PDE12: variants seen among roughly 807,000 people sequenced by gnomAD.
PDE12 encodes phosphodiesterase 12, also known as 2',5'-phosphodiesterase 12.
Under a neutral mutation model 45.4 loss-of-function variants are expected in PDE12, and 26 were observed. That is an observed-to-expected ratio of 0.57 (90% CI 0.42 to 0.79). PDE12 has a LOEUF of 0.79. PDE12 is among the 30% of genes least tolerant of loss of function. The pLI is 0.00. For synonymous variants in PDE12, 283 were observed against 323.9 expected (o/e 0.87, Z 1.36); for missense variants, 668 against 790.0 (o/e 0.85, Z 1.85).
Position 57,557,557 on chromosome 3 carries a change from T to G in PDE12, c.1178T>G (p.Leu393Arg), listed in dbSNP as rs1231242424. Residue 393 changes from leucine (L) to arginine (R), a missense_variant, in exon 1 of 3, where the codon CTT (leucine) becomes CGT (arginine). By Grantham distance (102) the Leu-to-Arg change is moderately radical. Around this residue, in one of 3 missense-constraint regions of PDE12, gnomAD observed 580 missense variants for 662.9 expected, o/e 0.87. Transcript: ENST00000311180. ...ATFYRKSKFSLLSQHDISFYE... is the reference protein window; with the variant it reads ...ATFYRKSKFSRLSQHDISFYE... The stretch of plus-strand genomic sequence containing the variant: ...TTCTACCGAAAGTCTAAGTTCAGCC[T>G]TCTTAGCCAGCATGACATTTCATTC... 5 of 1,614,124 alleles carry G rather than the reference T, an allele frequency of 3.1e-6. No homozygotes were observed. The Admixed American group carries it at 8.3e-5, about 27-fold the overall frequency.
At chr3:57,655,896 A>G in the PDE12 span, among the ~76,000 whole-genome samples, 1 of 152,250 alleles carries the variant, frequency 6.6e-6, no homozygotes, top group Non-Finnish European at 1.5e-5. Context: ...ATGTCCAATA[A>G]TTGAACTCTA....
chr3:57,646,057 C>G, the PDE12 span, among the ~76,000 whole-genome samples: 1 of 152,194 alleles, frequency 6.6e-6, no homozygotes, highest in Non-Finnish European at 1.5e-5. Flanking sequence ...CAAGGAACAA[C>G]TTCATGTAAT....
chr3:57,604,607 T>C, the PDE12 span, among the ~76,000 whole-genome samples: 1 of 43,276 alleles, frequency 2.3e-5, no homozygotes, highest in Admixed American at 2.1e-4. Context: ...CTTTCTTTTT[T>C]TTTTTTTTTT....
the PDE12 span, among the ~76,000 whole-genome samples, chr3:57,622,208 A>G: frequency 7.9e-5 from 12 of 152,174 alleles, no homozygotes; most frequent in Non-Finnish European, 1.2e-4. Context: ...CAAAACAAAC[A>G]AAAAGAACAT....
Position 57,559,379 on chromosome 3 carries a change from C to T in PDE12, c.1378C>T (p.His460Tyr), listed in dbSNP as rs2069702109. ...ICVANTHLYW[H>Y]PKGGYIRLIQ... is the part of the protein sequence containing the mutation. ...TGTTGCTAATACCCATCTTTACTGGCATCCTAAAGGTAGGTTTTATTTGGT... is the reference window on the plus strand; with the variant it reads ...TGTTGCTAATACCCATCTTTACTGGTATCCTAAAGGTAGGTTTTATTTGGT... Residue 460 changes from histidine (H) to tyrosine (Y), a missense_variant, in exon 2 of 3, where the codon CAT (histidine) becomes TAT (tyrosine). His to Tyr is a moderately conservative substitution (Grantham distance 83, BLOSUM62 2). Coordinates refer to ENST00000311180, the MANE Select transcript of PDE12 (RefSeq NM_177966.7). The T allele has an allele frequency of 1.2e-6, 2 of 1,609,804 alleles. No individual in the cohort carries two copies. Among genetic ancestry groups the T allele is most frequent in the Middle Eastern group, 1.7e-4 (1 of 6,058 alleles).
chr3:57,628,186 C>G, the PDE12 span: 1 of 1,605,996 alleles, frequency 6.2e-7, no homozygotes, highest in African/African-American at 1.3e-5. Flanking sequence ...ATGCATAATC[C>G]TTTTTGGCTG....
At chr3:57,613,706 C>T in the PDE12 span, among the ~76,000 whole-genome samples, 1 of 151,520 alleles carries the variant, frequency 6.6e-6, no homozygotes, top group African/African-American at 2.4e-5. Flanking sequence ...TGAGACCATC[C>T]TGGCTAACAC....
rs2069775031 is a variant in PDE12 at position 57,565,353 on chromosome 3, A to G, written c.*5349A>G. On this transcript the variant is annotated 3_prime_UTR_variant, in exon 3 of 3. Transcript: ENST00000311180. ...AAAAAACATATTTATCAACTTTTAA[A>G]AACATTTTATGGGTACATAGTAGGT... 1 of 152,236 alleles carries G rather than the reference A, an allele frequency of 6.6e-6. No homozygotes were observed. Among genetic ancestry groups the G allele is most frequent in the African/African-American group, 2.4e-5 (1 of 41,460 alleles). 9.4% of individuals were successfully genotyped at this position (152,236 alleles called of 1,614,324 possible).
chr3:57,606,984 G>A, the PDE12 span, among the ~76,000 whole-genome samples: 7 of 152,130 alleles, frequency 4.6e-5, no homozygotes, highest in Non-Finnish European at 4.4e-5. Context: ...AGCCTAACTC[G>A]GAGGCATCCC....
chr3:57,625,806 C>G, the PDE12 span: 2 of 152,522 alleles, frequency 1.3e-5, no homozygotes, highest in Non-Finnish European at 2.9e-5. Flanking sequence ...CAGTTAAATA[C>G]AGTAAAAATG....
At chr3:57,620,964 C>T in the PDE12 span, among the ~76,000 whole-genome samples, 4 of 152,074 alleles carry the variant, frequency 2.6e-5, no homozygotes, top group South Asian at 2.1e-4. Flanking sequence ...TGTAGAAATT[C>T]GTAAGCTGAT....
chr3:57,570,219 G>GTTTTTTTTTTTTTTTTTTTTTTTTTTTT (rs34599005), downstream of PDE12, among the ~76,000 whole-genome samples: 2 of 102,312 alleles, frequency 2.0e-5, no homozygotes, highest in African/African-American at 7.7e-5. Flanking sequence ...TTAATCCAGT[G>GTTTTTTTTTTTTTTTTTTTTTTTTTTTT]TTTTTTTTTT....
chr3:57,643,646 A>G, the PDE12 span, among the ~76,000 whole-genome samples: 1 of 151,326 alleles, frequency 6.6e-6, no homozygotes, highest in South Asian at 2.1e-4. Flanking sequence ...GGCCAACATG[A>G]TGAAACCCCA....
chr3:57,644,983 A>T, the PDE12 span, among the ~76,000 whole-genome samples: 1 of 151,888 alleles, frequency 6.6e-6, no homozygotes, highest in African/African-American at 2.4e-5. Flanking sequence ...GAGATCGTAC[A>T]TGCAGATTTT....
the PDE12 span, among the ~76,000 whole-genome samples, chr3:57,582,685 G>A: frequency 6.6e-6 from 1 of 152,096 alleles, no homozygotes; most frequent in Admixed American, 6.6e-5. Flanking sequence ...GTTTTAAGAG[G>A]CTGATAACAA....
At chr3:57,597,321 C>T in the PDE12 span, 4 of 568,234 alleles carry the variant, frequency 7.0e-6, no homozygotes, top group Non-Finnish European at 1.3e-5. Flanking sequence ...AGGAATAAGC[C>T]GGTAGAGGAC....
At chr3:57,589,427 C>T in the PDE12 span, among the ~76,000 whole-genome samples, 1 of 151,906 alleles carries the variant, frequency 6.6e-6, no homozygotes, top group Admixed American at 6.6e-5. Flanking sequence ...GATCCTGTCT[C>T]AAACAAACAA....
the PDE12 span, among the ~76,000 whole-genome samples, chr3:57,652,380 C>A: frequency 6.6e-6 from 1 of 152,102 alleles, no homozygotes; most frequent in Non-Finnish European, 1.5e-5. Context: ...CCAAGCTGTG[C>A]GAGTAAGCCT....
In PDE12 at chr3:57,557,515, A is replaced by C; in HGVS notation, c.1136A>C (p.His379Pro). The C allele has an allele frequency of 6.2e-7, 1 of 1,614,058 alleles. No individual in the cohort carries two copies. The highest frequency in any genetic ancestry group is 8.5e-7 in the Non-Finnish European group (1 of 1,180,016). ...GAGGGGGTGTTTCGAATCAAGCAGC[A>C]CGAAGGCCTGGCCACTTTCTACCGA... ...GLEGVFRIKQ[H>P]EGLATFYRKS... The change falls in exon 1 of 3, where the codon CAC (histidine) becomes CCC (proline). Residue 379 changes from histidine to proline, a missense_variant. Physicochemically the swap from His to Pro is moderately conservative, Grantham distance 77. Coordinates refer to ENST00000311180, the MANE Select transcript of PDE12 (RefSeq NM_177966.7).
Sources: allele counts gnomAD v4.1 joint callset (sites outside exome capture counted in the v4.1 genomes callset), GRCh38; gene constraint gnomAD v4.1.1; regional missense constraint gnomAD v4.1.1; transcripts MANE v1.5; gene names NCBI Gene and HGNC (gene_info 2026-07-23, HGNC 2026-07-21).